The following NFIB variants were observed in gnomAD, a reference collection of about 807,000 sequenced individuals.
The protein encoded by NFIB is nuclear factor 1 B-type.
In NFIB, 11 loss-of-function variants were observed where a neutral mutation model predicts 61.5. That is an observed-to-expected ratio of 0.18 (90% confidence interval 0.11 to 0.30). NFIB has a LOEUF of 0.30. Ranked by LOEUF, NFIB falls within the 10% of genes least tolerant of loss-of-function variation. The pLI, the probability that NFIB is intolerant of heterozygous loss-of-function variation, is 1.00. For synonymous variants in NFIB, 260 were observed against 216.5 expected (o/e 1.20, Z -1.76); for missense variants, 471 against 608.9 (o/e 0.77, Z 2.38).
chr9:14,446,237 A>G, the NFIB span, among the ~76,000 whole-genome samples: 2 of 152,170 alleles, frequency 1.3e-5, no homozygotes, highest in Non-Finnish European at 2.9e-5. Context: ...CTTTTTAATT[A>G]TACTGTTTAG....
the NFIB span, among the ~76,000 whole-genome samples, chr9:14,478,779 C>A: frequency 1.3e-5 from 2 of 152,120 alleles, no homozygotes; most frequent in African/African-American, 4.8e-5. Context: ...TAATGAATAT[C>A]CTTGCACATG....
At chr9:14,204,346 GA>G in intron 2 of NFIB, 2 of 809,532 alleles carry the variant, frequency 2.5e-6, no homozygotes, top group East Asian at 2.5e-5. Flanking sequence ...CCCTGTTTGA[GA>G]AAAGGCCTAA....
upstream of NFIB, among the ~76,000 whole-genome samples, chr9:14,403,206 A>G (rs2061758878): frequency 6.6e-6 from 1 of 152,178 alleles, no homozygotes; most frequent in African/African-American, 2.4e-5. Context: ...CTGAGCATCT[A>G]CGGCTATGAA....
At chr9:14,381,681 C>T (rs924733909) in intron 1 of NFIB, among the ~76,000 whole-genome samples, 3 of 152,154 alleles carry the variant, frequency 2.0e-5, no homozygotes, top group Non-Finnish European at 2.9e-5. Flanking sequence ...CGGCCTAGGA[C>T]AGGCCAATAA....
At chr9:14,211,914 T>C (rs1393848752) in intron 2 of NFIB, among the ~76,000 whole-genome samples, 3 of 152,190 alleles carry the variant, frequency 2.0e-5, no homozygotes, top group East Asian at 3.8e-4. Context: ...GATTAAAGCG[T>C]TTAAAGAATG....
the NFIB span, among the ~76,000 whole-genome samples, chr9:14,475,920 C>T: frequency 3.6e-3 from 541 of 152,250 alleles, 6 homozygotes; most frequent in African/African-American, 0.013. Context: ...GGTAGATCTT[C>T]CCCCACTTTA....
the NFIB span, among the ~76,000 whole-genome samples, chr9:14,485,350 T>A: frequency 7.0e-6 from 1 of 143,028 alleles, no homozygotes; most frequent in Admixed American, 6.8e-5. Context: ...TCAATTTACC[T>A]GATTTTGTCC....
chr9:14,178,167 T>TA (rs1258344473), intron 3 of NFIB, among the ~76,000 whole-genome samples: 2 of 152,100 alleles, frequency 1.3e-5, no homozygotes, highest in Non-Finnish European at 2.9e-5. Flanking sequence ...AGGAGACTTT[T>TA]AAAAAATGTT....
intron 2 of NFIB, among the ~76,000 whole-genome samples, chr9:14,283,253 C>A: frequency 6.6e-6 from 1 of 152,260 alleles, no homozygotes; most frequent in Non-Finnish European, 1.5e-5. Flanking sequence ...GGGAATGACT[C>A]GCATCAGCCA....
chr9:14,327,961 A>G (rs941878635), intron 1 of NFIB, among the ~76,000 whole-genome samples: 2 of 152,208 alleles, frequency 1.3e-5, no homozygotes, highest in African/African-American at 4.8e-5. Context: ...GGTAGATGGA[A>G]AAATTCAGGC....
intron 1 of NFIB, among the ~76,000 whole-genome samples, chr9:14,363,800 C>G (rs1251935095): frequency 6.6e-6 from 1 of 152,090 alleles, no homozygotes; most frequent in Non-Finnish European, 1.5e-5. Context: ...GGATTATACT[C>G]TCAACTCAAA....
intron 1 of NFIB, among the ~76,000 whole-genome samples, chr9:14,368,120 A>G (rs1021562025): frequency 1.3e-5 from 2 of 150,856 alleles, no homozygotes; most frequent in African/African-American, 4.9e-5. Flanking sequence ...CGTTCTGCAC[A>G]TGTATCTTAC....
intron 3 of NFIB, among the ~76,000 whole-genome samples, chr9:14,162,625 T>C (rs2044331711): frequency 1.3e-5 from 2 of 152,132 alleles, no homozygotes; most frequent in Non-Finnish European, 2.9e-5. Context: ...ATATGTTTTA[T>C]GCTCTGGAAC....
At chr9:14,127,536 C>T (rs1450200899) in intron 6 of NFIB, among the ~76,000 whole-genome samples, 2 of 152,044 alleles carry the variant, frequency 1.3e-5, no homozygotes, top group Non-Finnish European at 2.9e-5. Flanking sequence ...CTAAGTAGTT[C>T]AGCATGTATC....
intron 2 of NFIB, among the ~76,000 whole-genome samples, chr9:14,282,068 G>C (rs971342839): frequency 6.6e-6 from 1 of 152,192 alleles, no homozygotes. Context: ...TCTACTCAGG[G>C]GGCAAGAAGA....
At chr9:14,116,714 C>T (rs2038201918) in intron 8 of NFIB, among the ~76,000 whole-genome samples, 1 of 152,198 alleles carries the variant, frequency 6.6e-6, no homozygotes, top group Admixed American at 6.5e-5. Context: ...AGTTGGAACC[C>T]AATGCTTCCT....
At chr9:14,164,001 A>AAAG (rs903336734) in intron 3 of NFIB, among the ~76,000 whole-genome samples, 33 of 149,234 alleles carry the variant, frequency 2.2e-4, no homozygotes, top group African/African-American at 8.5e-4. Flanking sequence ...ATGAAAAGAA[A>AAAG]AAGAAGAAAG....
At chr9:14,517,999 A>C in the NFIB span, among the ~76,000 whole-genome samples, 2,346 of 152,346 alleles carry the variant, frequency 0.015, 30 homozygotes, top group South Asian at 0.043. Flanking sequence ...TCTTCTAACT[A>C]GATGTAAACT....
chr9:14,193,150 C>T (rs747617700), intron 2 of NFIB, among the ~76,000 whole-genome samples: 3 of 150,828 alleles, frequency 2.0e-5, no homozygotes, highest in Non-Finnish European at 4.4e-5. Context: ...CAACTAGATG[C>T]TCAATGCCAT....
Sources: gnomAD v4.1 joint callset for allele counts (sites outside exome capture counted in the v4.1 genomes callset) on GRCh38, gnomAD v4.1.1 for gene constraint, MANE v1.5 for transcripts, NCBI Gene and HGNC (gene_info 2026-07-23, HGNC 2026-07-21) for gene names.